Variants in NFIL3 observed in about 807,000 individuals in gnomAD.
NFIL3 encodes nuclear factor interleukin-3-regulated protein.
Under a neutral mutation model 10.0 loss-of-function variants are expected in NFIL3, and 5 were observed. That is an observed-to-expected ratio of 0.50 (90% CI 0.26 to 1.06). NFIL3 has a LOEUF of 1.06. Ranked by LOEUF, NFIL3 falls within the 50% of genes least tolerant of loss-of-function variation. NFIL3 has a pLI of 0.13. For missense variants in NFIL3, 436 were observed against 547.6 expected (o/e 0.80, Z 2.03); for synonymous variants, 202 against 206.5 (o/e 0.98, Z 0.19).
At chr9:91,443,720 G>A in the NFIL3 span, among the ~76,000 whole-genome samples, 1 of 152,290 alleles carries the variant, frequency 6.6e-6, no homozygotes, top group South Asian at 2.1e-4. Context: ...TTGGGTGGCT[G>A]CAGGACTCTT....
the NFIL3 span, among the ~76,000 whole-genome samples, chr9:91,430,650 T>A: frequency 0.088 from 13,335 of 151,892 alleles, 864 homozygotes; most frequent in African/African-American, 0.17. Context: ...TCTTTTTTAT[T>A]AAAAAAAATG....
the NFIL3 span, among the ~76,000 whole-genome samples, chr9:91,469,091 G>C: frequency 6.6e-6 from 1 of 152,158 alleles, no homozygotes; most frequent in Non-Finnish European, 1.5e-5. Context: ...TAGCTTGATG[G>C]GGATGGCACT....
At chr9:91,467,054 A>C in the NFIL3 span, among the ~76,000 whole-genome samples, 1 of 152,172 alleles carries the variant, frequency 6.6e-6, no homozygotes, top group Non-Finnish European at 1.5e-5. Flanking sequence ...CTTCAACAAC[A>C]ACTGTTACCT....
At chr9:91,447,476 C>T in the NFIL3 span, among the ~76,000 whole-genome samples, 2 of 152,202 alleles carry the variant, frequency 1.3e-5, no homozygotes, top group Non-Finnish European at 2.9e-5. Flanking sequence ...CCAATTTCTC[C>T]ATATCCTTGC....
chr9:91,462,384 G>A, the NFIL3 span, among the ~76,000 whole-genome samples: 4,581 of 151,998 alleles, frequency 0.03, 97 homozygotes, highest in East Asian at 0.092. Flanking sequence ...TCTATTTCTT[G>A]TTTGCTGAGA....
At chr9:91,465,200 T>C in the NFIL3 span, among the ~76,000 whole-genome samples, 1 of 152,148 alleles carries the variant, frequency 6.6e-6, no homozygotes, top group African/African-American at 2.4e-5. Context: ...TACCTTTTCT[T>C]CTCTTTTGAT....
the NFIL3 span, among the ~76,000 whole-genome samples, chr9:91,456,615 C>T: frequency 4.6e-5 from 7 of 152,010 alleles, no homozygotes; most frequent in East Asian, 1.9e-4. Context: ...ATCAGATTGA[C>T]GGTTTGCAAT....
At chr9:91,450,414 T>TC in the NFIL3 span, among the ~76,000 whole-genome samples, 2 of 152,206 alleles carry the variant, frequency 1.3e-5, no homozygotes, top group Non-Finnish European at 2.9e-5. Context: ...GTTTTCATTT[T>TC]CATTAGTCTC....
the NFIL3 span, among the ~76,000 whole-genome samples, chr9:91,468,012 T>G: frequency 1.3e-5 from 2 of 152,204 alleles, no homozygotes; most frequent in African/African-American, 4.8e-5. Flanking sequence ...TGCATGTGTC[T>G]TTATAGCAGC....
chr9:91,436,576 T>TCAA, the NFIL3 span, among the ~76,000 whole-genome samples: 15,770 of 138,616 alleles, frequency 0.11, 872 homozygotes, highest in Non-Finnish European at 0.13. Context: ...AGACTCTGCC[T>TCAA]CAACAACAAC....
chr9:91,453,619 T>G, the NFIL3 span, among the ~76,000 whole-genome samples: 2 of 152,090 alleles, frequency 1.3e-5, no homozygotes, highest in Non-Finnish European at 2.9e-5. Context: ...CATTCGAGAC[T>G]GTATTTTAAA....
At chr9:91,450,667 T>C in the NFIL3 span, among the ~76,000 whole-genome samples, 3 of 152,166 alleles carry the variant, frequency 2.0e-5, no homozygotes, top group Non-Finnish European at 4.4e-5. Flanking sequence ...TTAAGAAGAA[T>C]GTGTATCCTT....
At chr9:91,433,702 G>C in the NFIL3 span, among the ~76,000 whole-genome samples, 1 of 152,196 alleles carries the variant, frequency 6.6e-6, no homozygotes, top group African/African-American at 2.4e-5. Context: ...ATTTGTTTAA[G>C]TCATTGTTAG....
chr9:91,427,906 A>G (rs1833887823), upstream of NFIL3, among the ~76,000 whole-genome samples: 1 of 152,096 alleles, frequency 6.6e-6, no homozygotes, highest in Admixed American at 6.5e-5. Flanking sequence ...TTGGCCTCCC[A>G]AAGTGCTGGA....
At chr9:91,420,339 A>T (rs1464114559) in intron 1 of NFIL3, among the ~76,000 whole-genome samples, 1 of 145,198 alleles carries the variant, frequency 6.9e-6, no homozygotes. Flanking sequence ...ACAAAGAGAA[A>T]AATGAAGGTA....
chr9:91,422,760 G>A (rs1833792828), intron 1 of NFIL3, among the ~76,000 whole-genome samples: 1 of 152,182 alleles, frequency 6.6e-6, no homozygotes, highest in Admixed American at 6.5e-5. Flanking sequence ...AAAAATAACA[G>A]CTGAGAACAT....
the NFIL3 span, among the ~76,000 whole-genome samples, chr9:91,482,844 T>C: frequency 2.0e-5 from 3 of 152,138 alleles, no homozygotes; most frequent in Non-Finnish European, 2.9e-5. Flanking sequence ...AGTTGGACTC[T>C]AGAGTATGGT....
chr9:91,478,458 G>A, the NFIL3 span, among the ~76,000 whole-genome samples: 1 of 151,576 alleles, frequency 6.6e-6, no homozygotes. Flanking sequence ...TGGTACTTGT[G>A]TATGCTTCAT....
chr9:91,412,583 C>A (rs1833574105), intron 1 of NFIL3, among the ~76,000 whole-genome samples: 1 of 152,162 alleles, frequency 6.6e-6, no homozygotes, highest in Non-Finnish European at 1.5e-5. Flanking sequence ...GTGGCTCATG[C>A]CTGTAATCCC....
Sources: gnomAD v4.1 joint callset for allele counts (sites outside exome capture counted in the v4.1 genomes callset) on GRCh38, gnomAD v4.1.1 for gene constraint, MANE v1.5 for transcripts, NCBI Gene and HGNC (gene_info 2026-07-23, HGNC 2026-07-21) for gene names.